DOK6: variants seen among roughly 807,000 people sequenced by gnomAD.
The protein encoded by DOK6 is docking protein 6, also known as downstream of tyrosine kinase 6.
DOK6 carries 22 observed loss-of-function variants against 44.0 expected under a neutral mutation model. The ratio of observed to expected loss-of-function variants is 0.50; its 90% confidence interval spans 0.36 to 0.71. The LOEUF (loss-of-function observed/expected upper bound fraction) is 0.71. Among genes scored for constraint, DOK6 ranks in the 30% least tolerant of loss-of-function variants. The pLI, the probability that DOK6 is intolerant of heterozygous loss-of-function variation, is 0.00. For missense variants in DOK6, 340 were observed against 416.4 expected (o/e 0.82, Z 1.60); for synonymous variants, 166 against 145.5 (o/e 1.14, Z -1.01).
chr18:69,698,971 TGTGA>T lies in DOK6; in HGVS notation c.599+382_599+385del, dbSNP rs565683149. 1.4e-3 allele frequency among the ~76,000 whole-genome samples: 208 copies of T among 152,340 alleles called. 4 individuals carry two copies. Among genetic ancestry groups the T allele is most frequent in the African/African-American group, 4.9e-3 (205 of 41,578 alleles). On this transcript the variant is annotated intron_variant, in intron 5 of 7. Transcript: ENST00000382713. ...AGCATGTCCTTGCTTGCATTGTTTT[TGTGA>T]GTGTTTTTTAATAAGCAAACAATCT... is the stretch of plus-strand genomic sequence containing the variant.
chr18:69,609,913 T>G (rs1437980459), intron 3 of DOK6, among the ~76,000 whole-genome samples: 1 of 152,174 alleles, frequency 6.6e-6, no homozygotes, highest in East Asian at 1.9e-4. Flanking sequence ...TTAAGTGAAA[T>G]AAGCCAGTCA....
chr18:69,715,530 C>T (rs2144719067), intron 5 of DOK6, among the ~76,000 whole-genome samples: 1 of 152,366 alleles, frequency 6.6e-6, no homozygotes, highest in African/African-American at 2.4e-5. Flanking sequence ...CGATCTCACG[C>T]ACCCTGTTGC....
intron 4 of DOK6, among the ~76,000 whole-genome samples, chr18:69,680,583 A>G (rs944064967): frequency 3.3e-5 from 5 of 152,260 alleles, no homozygotes; most frequent in African/African-American, 7.2e-5. Flanking sequence ...TGCTAGCTCA[A>G]TAATCTAGTG....
intron 1 of DOK6, among the ~76,000 whole-genome samples, chr18:69,530,451 G>GTTGTCT (rs1289034634): frequency 7.9e-5 from 12 of 152,202 alleles, no homozygotes; most frequent in African/African-American, 2.4e-4. Context: ...TTGTCAGCAG[G>GTTGTCT]GCCTGGATAG....
chr18:69,456,564 A>C (rs1161426869), intron 1 of DOK6, among the ~76,000 whole-genome samples: 1 of 152,006 alleles, frequency 6.6e-6, no homozygotes, highest in Non-Finnish European at 1.5e-5. Context: ...TGGATACCTA[A>C]ATTGAGTCCA....
At chr18:69,741,149 G>A (rs553823055) in intron 6 of DOK6, among the ~76,000 whole-genome samples, 4 of 152,258 alleles carry the variant, frequency 2.6e-5, no homozygotes, top group East Asian at 3.9e-4. Flanking sequence ...AAGGGAGAGC[G>A]CAACAAATGT....
intron 3 of DOK6, among the ~76,000 whole-genome samples, chr18:69,614,368 C>G (rs752944655): frequency 3.3e-5 from 5 of 152,070 alleles, no homozygotes; most frequent in Non-Finnish European, 5.9e-5. Flanking sequence ...ACATTTCAAC[C>G]TTTATTTTCA....
chr18:69,460,354 A>G (rs1265560955), intron 1 of DOK6, among the ~76,000 whole-genome samples: 2 of 152,226 alleles, frequency 1.3e-5, no homozygotes, highest in Non-Finnish European at 2.9e-5. Flanking sequence ...ATTATTGTAC[A>G]TTGACATGAT....
intron 5 of DOK6, among the ~76,000 whole-genome samples, chr18:69,707,090 T>C (rs1172017564): frequency 6.6e-6 from 1 of 152,188 alleles, no homozygotes; most frequent in Non-Finnish European, 1.5e-5. Context: ...TCACAATTGC[T>C]TCAAACAGAA....
intron 2 of DOK6, among the ~76,000 whole-genome samples, chr18:69,598,183 TA>T (rs1983790987): frequency 6.6e-6 from 1 of 151,854 alleles, no homozygotes; most frequent in South Asian, 2.1e-4. Flanking sequence ...AATAAAATAT[TA>T]TTTCCTTAGG....
chr18:69,598,119 T>A (rs374235476), intron 2 of DOK6, among the ~76,000 whole-genome samples: 1 of 152,204 alleles, frequency 6.6e-6, no homozygotes, highest in East Asian at 1.9e-4. Context: ...CATAGTGTAA[T>A]GTTAAATACA....
chr18:69,462,491 C>T (rs1912482016), intron 1 of DOK6, among the ~76,000 whole-genome samples: 1 of 152,096 alleles, frequency 6.6e-6, no homozygotes, highest in African/African-American at 2.4e-5. Context: ...ATTTTGATTA[C>T]ATTATTGCTT....
chr18:69,519,186 C>T (rs1162048689), intron 1 of DOK6, among the ~76,000 whole-genome samples: 1 of 151,976 alleles, frequency 6.6e-6, no homozygotes, highest in Non-Finnish European at 1.5e-5. Flanking sequence ...AACTACTGCA[C>T]AAATATTTAT....
Position 69,509,637 on chromosome 18 carries a change from C to CAAAA in DOK6, c.67-54827_67-54824dup, listed in dbSNP as rs1183367298. On this transcript the variant is annotated intron_variant, in intron 1 of 7. Transcript: ENST00000382713. ...TGGGCAACAGAGCTAGGCTCTGTCT[C>CAAAA]AAAAAAAAAAAAAAAAAAAAAAAAA... Among the ~76,000 whole-genome samples, 67 of 34,002 alleles carry CAAAA rather than the reference C, an allele frequency of 2.0e-3. 2 individuals carry two copies. The highest frequency in any genetic ancestry group is 2.8e-3 in the African/African-American group (23 of 8,118). The allele number at this position is 34,002 out of a possible 152,430, so 22.3% of individuals were successfully genotyped here. A position where few individuals can be genotyped will look rare whatever the true frequency, so the allele number is the denominator to read the frequency against.
intron 3 of DOK6, among the ~76,000 whole-genome samples, chr18:69,624,685 A>C (rs953037850): frequency 6.6e-6 from 1 of 152,056 alleles, no homozygotes; most frequent in African/African-American, 2.4e-5. Flanking sequence ...GAATTCTTAC[A>C]TGTGTGGGGT....
At chr18:69,839,662 C>T (rs866682542) in intron 7 of DOK6, among the ~76,000 whole-genome samples, 1 of 152,250 alleles carries the variant, frequency 6.6e-6, no homozygotes, top group African/African-American at 2.4e-5. Context: ...CAGCAGGAAG[C>T]ATCACCACCC....
intron 1 of DOK6, among the ~76,000 whole-genome samples, chr18:69,517,516 G>T (rs531347223): frequency 6.6e-6 from 1 of 151,888 alleles, no homozygotes; most frequent in African/African-American, 2.4e-5. Context: ...TCTATAATCC[G>T]GTCCTCTAGA....
At chr18:69,629,114 G>A (rs1311134306) in intron 3 of DOK6, among the ~76,000 whole-genome samples, 1 of 152,212 alleles carries the variant, frequency 6.6e-6, no homozygotes, top group Non-Finnish European at 1.5e-5. Context: ...GGGTTTGCCA[G>A]TTTGAGGATC....
chr18:69,741,725 G>A (rs1366942311), intron 6 of DOK6, among the ~76,000 whole-genome samples: 1 of 152,056 alleles, frequency 6.6e-6, no homozygotes, highest in Non-Finnish European at 1.5e-5. Flanking sequence ...TTGAACTCCT[G>A]GGTTCAAGCA....
Sources: allele counts gnomAD v4.1 joint callset (sites outside exome capture counted in the v4.1 genomes callset), GRCh38; gene constraint gnomAD v4.1.1; transcripts MANE v1.5; gene names NCBI Gene and HGNC (gene_info 2026-07-23, HGNC 2026-07-21).